The following SV2C variants were observed in gnomAD, a reference collection of about 807,000 sequenced individuals.
SV2C encodes the protein solute carrier family 22 member B3.
A neutral mutation model predicts 79.7 loss-of-function variants in SV2C; 49 were observed. That is an observed-to-expected ratio of 0.61 (90% CI 0.49 to 0.78). The LOEUF (loss-of-function observed/expected upper bound fraction) is 0.78. Among genes scored for constraint, SV2C ranks in the 30% least tolerant of loss-of-function variants. The pLI, the probability that SV2C is intolerant of heterozygous loss-of-function variation, is 0.00. For missense variants in SV2C, 833 were observed against 912.9 expected (o/e 0.91, Z 1.13); for synonymous variants, 334 against 333.2 (o/e 1.00, Z -0.03).
At chr5:76,048,965 G>GAGAAAGAAAGGAAGAA in the SV2C span, among the ~76,000 whole-genome samples, 1 of 58,164 alleles carries the variant, frequency 1.7e-5, no homozygotes, top group East Asian at 7.7e-4. Context: ...GAAAGAAAAA[G>GAGAAAGAAAGGAAGAA]AGAAAGAAAG....
At chr5:75,915,825 T>C in the SV2C span, among the ~76,000 whole-genome samples, 3,429 of 152,212 alleles carry the variant, frequency 0.023, 89 homozygotes, top group African/African-American at 0.063. Context: ...ACGAAAGGCT[T>C]AGAGCTTGAT....
chr5:75,970,255 T>C, the SV2C span, among the ~76,000 whole-genome samples: 8 of 151,776 alleles, frequency 5.3e-5, no homozygotes, highest in East Asian at 1.5e-3. Context: ...AAAATCACAA[T>C]TAAAAGAACT....
Position 76,202,146 on chromosome 5 carries a change from A to G in SV2C, c.761+7047A>G, listed in dbSNP as rs548533246. 2.0e-4 allele frequency among the ~76,000 whole-genome samples: 31 copies of G among 152,260 alleles called. No individual in the cohort carries two copies. In the South Asian group the frequency reaches 6.2e-3, roughly 31 times the overall value. ...TCTGAGCTATGAGGTTTTTCCCTTC[A>G]AAGTAGTCTTTTTCTTAAAATAATC... On this transcript the variant is annotated intron_variant, in intron 3 of 12. Coordinates refer to ENST00000502798, the MANE Select transcript of SV2C (RefSeq NM_014979.4).
rs567189637 is a variant in SV2C at position 76,279,829 on chromosome 5, G to A, written c.914-5333G>A. Among the ~76,000 whole-genome samples, 5 of 152,284 alleles carry A rather than the reference G, an allele frequency of 3.3e-5. No individual in the cohort carries two copies. In the South Asian group the frequency reaches 1.0e-3, roughly 32 times the overall value. On this transcript the variant is annotated intron_variant, in intron 4 of 12. Coordinates refer to ENST00000502798, the MANE Select transcript of SV2C (RefSeq NM_014979.4). Reference sequence around the variant, plus strand: ...TAGAATGACCCATCAAGTAAAGCGAGAGAACATGACGATGAGGGTTGGAGA... The same window carrying A: ...TAGAATGACCCATCAAGTAAAGCGAAAGAACATGACGATGAGGGTTGGAGA...
chr5:75,895,189 C>G, the SV2C span, among the ~76,000 whole-genome samples: 46 of 152,052 alleles, frequency 3.0e-4, no homozygotes, highest in Non-Finnish European at 1.0e-4. Flanking sequence ...AGAAAAATAT[C>G]TGATTTCCAG....
chr5:75,854,981 A>G, the SV2C span, among the ~76,000 whole-genome samples: 2 of 152,156 alleles, frequency 1.3e-5, no homozygotes, highest in Non-Finnish European at 2.9e-5. Context: ...CCACTGATCT[A>G]TATGTCTATG....
At chr5:76,269,388 C>A (rs1746770927) in intron 4 of SV2C, among the ~76,000 whole-genome samples, 1 of 152,152 alleles carries the variant, frequency 6.6e-6, no homozygotes, top group African/African-American at 2.4e-5. Flanking sequence ...CATACTTACA[C>A]TAAAAACGAA....
chr5:76,189,611 T>C (rs1233247228), intron 2 of SV2C, among the ~76,000 whole-genome samples: 1 of 152,218 alleles, frequency 6.6e-6, no homozygotes, highest in Admixed American at 6.5e-5. Context: ...ATACATTCGT[T>C]TGATCATCTT....
the SV2C span, among the ~76,000 whole-genome samples, chr5:75,884,139 T>C: frequency 0.012 from 1,776 of 152,226 alleles, 29 homozygotes; most frequent in African/African-American, 0.04. Context: ...AACTGAAAAA[T>C]AACCCTGTGA....
At chr5:75,970,817 C>T in the SV2C span, among the ~76,000 whole-genome samples, 1 of 152,136 alleles carries the variant, frequency 6.6e-6, no homozygotes, top group Non-Finnish European at 1.5e-5. Flanking sequence ...CTCCCTAACT[C>T]ATTTTATGAG....
the SV2C span, among the ~76,000 whole-genome samples, chr5:76,034,062 A>T: frequency 1.6e-4 from 25 of 151,664 alleles, no homozygotes; most frequent in Non-Finnish European, 3.5e-4. Flanking sequence ...CTGTTTTTGG[A>T]GTATAAGAAT....
intron 2 of SV2C, among the ~76,000 whole-genome samples, chr5:76,178,253 G>T (rs980524985): frequency 2.2e-4 from 33 of 152,192 alleles, no homozygotes; most frequent in African/African-American, 6.8e-4. Flanking sequence ...CAGTTACCCA[G>T]AATCAAGGAG....
intron 1 of SV2C, among the ~76,000 whole-genome samples, chr5:76,095,905 A>T (rs1008129605): frequency 2.0e-5 from 3 of 152,178 alleles, no homozygotes; most frequent in Admixed American, 6.5e-5. Flanking sequence ...GGGTCTACTC[A>T]TTACTTAATG....
intron 4 of SV2C, among the ~76,000 whole-genome samples, chr5:76,220,737 G>A (rs1376149858): frequency 6.6e-6 from 1 of 152,086 alleles, no homozygotes; most frequent in African/African-American, 2.4e-5. Context: ...GAGGCAGTCC[G>A]GGGCTGGTGT....
chr5:76,229,960 C>A (rs1345343704), intron 4 of SV2C, among the ~76,000 whole-genome samples: 1 of 152,064 alleles, frequency 6.6e-6, no homozygotes, highest in Non-Finnish European at 1.5e-5. Context: ...GGTATATGCC[C>A]GGAGAAATTC....
chr5:75,923,433 A>T, the SV2C span, among the ~76,000 whole-genome samples: 11 of 152,324 alleles, frequency 7.2e-5, no homozygotes, highest in Admixed American at 5.2e-4. Context: ...GACCTAATTA[A>T]ACTAAGAAGC....
At chr5:76,200,282 C>A (rs765722644) in intron 3 of SV2C, among the ~76,000 whole-genome samples, 2 of 152,172 alleles carry the variant, frequency 1.3e-5, no homozygotes, top group Non-Finnish European at 2.9e-5. Context: ...TACAGAATCC[C>A]CACATTTAAT....
chr5:75,908,726 A>G, the SV2C span, among the ~76,000 whole-genome samples: 1 of 152,160 alleles, frequency 6.6e-6, no homozygotes, highest in African/African-American at 2.4e-5. Context: ...ACCTTTTGCA[A>G]TATCATTAGT....
chr5:76,348,384 G>A (rs767709720), intron 12 of SV2C, among the ~76,000 whole-genome samples: 19 of 152,270 alleles, frequency 1.2e-4, no homozygotes, highest in East Asian at 1.2e-3. Context: ...GCAATTATAA[G>A]GAAAGCTGCT....
Sources: allele counts gnomAD v4.1 joint callset (sites outside exome capture counted in the v4.1 genomes callset), GRCh38; gene constraint gnomAD v4.1.1; transcripts MANE v1.5; gene names NCBI Gene and HGNC (gene_info 2026-07-23, HGNC 2026-07-21).